The following PPP1R9A variants were observed in gnomAD, a reference collection of about 807,000 sequenced individuals.
PPP1R9A encodes the protein protein phosphatase 1 regulatory subunit 9A.
Under a neutral mutation model 141.9 loss-of-function variants are expected in PPP1R9A, and 59 were observed. The observed-to-expected ratio is 0.42, with a 90% confidence interval of 0.34 to 0.52. The LOEUF (loss-of-function observed/expected upper bound fraction) is 0.52. PPP1R9A is among the 20% of genes least tolerant of loss of function. The probability of loss-of-function intolerance (pLI) is 0.10; values close to 1 mark genes in which losing one functional copy is unlikely to be tolerated. For synonymous variants in PPP1R9A, 500 were observed against 569.7 expected, an observed-to-expected ratio of 0.88 and a Z score of 1.74; for missense variants, 1,444 against 1,611.9, an observed-to-expected ratio of 0.90 and a Z score of 1.78.
chr7:95,065,730 C>T (rs111562278), intron 2 of PPP1R9A, among the ~76,000 whole-genome samples: 9,538 of 152,188 alleles, frequency 0.063, 385 homozygotes, highest in Non-Finnish European at 0.091. Flanking sequence ...TGTGAAAAGC[C>T]AGAAAGAATG....
At chr7:95,077,601 C>CA (rs1050517175) in intron 2 of PPP1R9A, among the ~76,000 whole-genome samples, 3 of 151,940 alleles carry the variant, frequency 2.0e-5, no homozygotes, top group African/African-American at 7.3e-5. Context: ...GCTGCCCCCC[C>CA]AATAACAAAG....
intron 2 of PPP1R9A, among the ~76,000 whole-genome samples, chr7:95,091,506 G>A (rs1817341939): frequency 6.6e-6 from 1 of 151,510 alleles, no homozygotes; most frequent in Non-Finnish European, 1.5e-5. Flanking sequence ...ACCACGCCCA[G>A]CTAATTTTTG....
chr7:95,182,123 A>T (rs1833948078), intron 5 of PPP1R9A, among the ~76,000 whole-genome samples: 1 of 151,856 alleles, frequency 6.6e-6, no homozygotes. Context: ...TCACTAAAGG[A>T]CTTACTCATG....
intron 4 of PPP1R9A, among the ~76,000 whole-genome samples, chr7:95,151,941 CTTTTTTTTTTTTTTT>C (rs1167382285): frequency 1.8e-5 from 1 of 54,446 alleles, no homozygotes; most frequent in Non-Finnish European, 3.2e-5. Context: ...TACTGAGAAT[CTTTTTTTTTTTTTTT>C]TTTTTTTTTT....
chr7:95,201,703 C>A (rs1044124651), intron 6 of PPP1R9A, among the ~76,000 whole-genome samples: 4 of 152,140 alleles, frequency 2.6e-5, no homozygotes, highest in African/African-American at 9.7e-5. Context: ...GAGTTAATTT[C>A]ATATATAATT....
chr7:95,082,485 A>G (rs1040642752), intron 2 of PPP1R9A, among the ~76,000 whole-genome samples: 3 of 151,998 alleles, frequency 2.0e-5, no homozygotes, highest in Non-Finnish European at 4.4e-5. Context: ...GATTCCTGTA[A>G]TCCCAGCACT....
At chr7:95,240,453 C>T (rs1452387423) in intron 8 of PPP1R9A, among the ~76,000 whole-genome samples, 5 of 151,042 alleles carry the variant, frequency 3.3e-5, no homozygotes, top group East Asian at 1.9e-4. Context: ...GTATCTATTA[C>T]GTTTTTTTAT....
intron 5 of PPP1R9A, among the ~76,000 whole-genome samples, chr7:95,190,174 A>C (rs979134903): frequency 1.3e-5 from 2 of 152,170 alleles, no homozygotes; most frequent in Admixed American, 6.5e-5. Flanking sequence ...AAAAATATGG[A>C]ACTCAAGGGC....
chr7:95,037,020 A>C (rs1808513800), intron 2 of PPP1R9A: 2 of 152,216 alleles, frequency 1.3e-5, no homozygotes, highest in South Asian at 4.1e-4. Context: ...GAGTGAGAGC[A>C]AAGTCACTGT....
chr7:95,100,353 T>C (rs887805538), intron 2 of PPP1R9A, among the ~76,000 whole-genome samples: 15 of 152,192 alleles, frequency 9.9e-5, no homozygotes, highest in Admixed American at 9.8e-4. Context: ...ACATACTTGA[T>C]TTTATCATGG....
chr7:94,951,037 T>A (rs1796417385), intron 2 of PPP1R9A, among the ~76,000 whole-genome samples: 2 of 152,144 alleles, frequency 1.3e-5, no homozygotes, highest in African/African-American at 4.8e-5. Context: ...TAATCACCTG[T>A]ATGATTACCA....
In PPP1R9A at chr7:95,284,156, G is replaced by A. The variant is rs755003454; in HGVS notation, c.3435G>A (p.Ala1145=). The change falls in exon 17 of 20, where the codon GCG becomes GCA. Residue 1145 remains alanine, a synonymous_variant. Coordinates refer to ENST00000433360, the MANE Select transcript of PPP1R9A (RefSeq NM_001166160.2). The stretch of plus-strand genomic sequence containing the variant: ...CCTATTCCTTCAGGAACCTGCCTGC[G>A]CCTACAAGTTCCCTTCAGCCTTCTC... ...KGSYSFRNLP[A]PTSSLQPSPE... 43 of 1,589,280 alleles carry A rather than the reference G, an allele frequency of 2.7e-5. No individual in the cohort carries two copies. Among genetic ancestry groups the A allele is most frequent in the African/African-American group, 1.2e-4 (9 of 74,634 alleles).
At chr7:95,118,347 TTAATAAA>T (rs1821884313) in intron 3 of PPP1R9A, among the ~76,000 whole-genome samples, 1 of 152,172 alleles carries the variant, frequency 6.6e-6, no homozygotes, top group Non-Finnish European at 1.5e-5. Context: ...GTATATAAAC[TTAATAAA>T]TGTAATGAAT....
At chr7:94,947,418 T>C (rs1447995643) in intron 2 of PPP1R9A, among the ~76,000 whole-genome samples, 2 of 152,186 alleles carry the variant, frequency 1.3e-5, no homozygotes, top group African/African-American at 4.8e-5. Flanking sequence ...ATCCTGAGCC[T>C]AAGTCCTAGC....
chr7:95,028,299 G>T (rs922040895), intron 2 of PPP1R9A, among the ~76,000 whole-genome samples: 2 of 152,102 alleles, frequency 1.3e-5, no homozygotes, highest in Non-Finnish European at 2.9e-5. Context: ...GAAAGCAGCT[G>T]CCCAAAGATG....
intron 7 of PPP1R9A, among the ~76,000 whole-genome samples, chr7:95,216,875 G>A (rs1055445498): frequency 5.3e-5 from 8 of 152,270 alleles, no homozygotes; most frequent in East Asian, 1.9e-4. Flanking sequence ...GGGCTGAGAC[G>A]ATGGGGTTTT....
At chr7:95,002,436 C>T (rs1423885233) in intron 2 of PPP1R9A, among the ~76,000 whole-genome samples, 1 of 151,938 alleles carries the variant, frequency 6.6e-6, no homozygotes, top group Non-Finnish European at 1.5e-5. Flanking sequence ...AGGTAGGACA[C>T]GTGAAGATGG....
intron 12 of PPP1R9A, among the ~76,000 whole-genome samples, chr7:95,261,994 G>A (rs1330354514): frequency 3.3e-5 from 5 of 152,118 alleles, no homozygotes; most frequent in African/African-American, 1.2e-4. Flanking sequence ...TCTGTAAGAG[G>A]CCTACAATCT....
intron 2 of PPP1R9A, among the ~76,000 whole-genome samples, chr7:94,975,316 A>G (rs1213957457): frequency 6.7e-6 from 1 of 150,086 alleles, no homozygotes; most frequent in African/African-American, 2.4e-5. Context: ...AAAATGTTCA[A>G]CATTTCCATT....
Sources: allele counts gnomAD v4.1 joint callset (sites outside exome capture counted in the v4.1 genomes callset), GRCh38; gene constraint gnomAD v4.1.1; transcripts MANE v1.5; gene names NCBI Gene and HGNC (gene_info 2026-07-23, HGNC 2026-07-21).